Variants in FANCB observed in about 807,000 individuals in gnomAD.
The protein encoded by FANCB is FA complementation group B, also known as Fanconi anemia group B protein.
Under a neutral mutation model 38.9 loss-of-function variants are expected in FANCB, and 5 were observed. The observed-to-expected ratio is 0.13, with a 90% CI of 0.07 to 0.27. FANCB has a LOEUF of 0.27. Among genes scored for constraint, FANCB ranks in the 10% least tolerant of loss-of-function variants. The pLI is 1.00. For missense variants in FANCB, 573 were observed against 602.7 expected, an observed-to-expected ratio of 0.95 and a Z score of 0.52; for synonymous variants, 236 against 215.4, an observed-to-expected ratio of 1.10 and a Z score of -0.84.
the FANCB span, among the ~76,000 whole-genome samples, chrX:14,721,141 A>G: frequency 9.6e-6 from 1 of 104,028 alleles, no homozygotes; most frequent in South Asian, 4.2e-4. Flanking sequence ...AAAAAAAAAT[A>G]CTGTTGGGGT....
the FANCB span, among the ~76,000 whole-genome samples, chrX:14,696,411 A>G: frequency 4.4e-4 from 49 of 111,823 alleles, no homozygotes; most frequent in African/African-American, 1.3e-3. Flanking sequence ...TAAGGTTATG[A>G]TCATAAATAA....
intron 1 of FANCB, chrX:14,869,284 T>C (rs2092484472): frequency 8.9e-6 from 1 of 112,081 alleles, no homozygotes; most frequent in Non-Finnish European, 1.9e-5. Flanking sequence ...TATTTTAATG[T>C]TAAATATCAC....
At chrX:14,698,036 C>G in the FANCB span, among the ~76,000 whole-genome samples, 9 of 111,323 alleles carry the variant, frequency 8.1e-5, no homozygotes. Context: ...AGATACTGTT[C>G]TTATCTCAAT....
chrX:14,704,703 G>A, the FANCB span, among the ~76,000 whole-genome samples: 1 of 111,591 alleles, frequency 9.0e-6, no homozygotes. Context: ...AAAAGGAAAC[G>A]ACCCCTGCCT....
At chrX:14,802,143 A>G in the FANCB span, among the ~76,000 whole-genome samples, 1 of 111,767 alleles carries the variant, frequency 8.9e-6, no homozygotes, top group African/African-American at 3.3e-5. Context: ...GGGTGGGGTT[A>G]AGGAAAACAA....
chrX:14,820,464 T>C, the FANCB span, among the ~76,000 whole-genome samples: 1 of 112,225 alleles, frequency 8.9e-6, no homozygotes, highest in Non-Finnish European at 1.9e-5. Context: ...TAATTGTCCA[T>C]GTCATTTGTT....
chrX:14,758,139 C>A, the FANCB span, among the ~76,000 whole-genome samples: 1 of 111,162 alleles, frequency 9.0e-6, no homozygotes, highest in South Asian at 3.9e-4. Context: ...GCAGCAGAGG[C>A]ACCCACAGTG....
In FANCB at chrX:14,844,867, T is replaced by A; in HGVS notation, c.1916A>T (p.Lys639Met). 1 of 1,205,314 alleles carries A rather than the reference T, an allele frequency of 8.3e-7. No individual in the cohort carries two copies. The highest frequency in any genetic ancestry group is 1.8e-5 in the South Asian group (1 of 55,507). Reference protein sequence around the residue: ...TGKYLLTFPKKKPIEHMEDLF... With the variant: ...TGKYLLTFPKMKPIEHMEDLF... ...GCCAACAAAATTACCTATAGGTTTC[T>A]TCTTTGGAAATGTCAGTAGGTACTT... Residue 639 changes from lysine to methionine, a missense_variant, in exon 8 of 10, where the codon AAG (lysine) becomes ATG (methionine). Transcript: ENST00000650831.
the FANCB span, among the ~76,000 whole-genome samples, chrX:14,777,809 C>A: frequency 8.9e-6 from 1 of 112,337 alleles, no homozygotes; most frequent in African/African-American, 3.2e-5. Flanking sequence ...AACAATCAAT[C>A]ACTACCCGAT....
At chrX:14,732,091 G>A in the FANCB span, among the ~76,000 whole-genome samples, 2 of 109,596 alleles carry the variant, frequency 1.8e-5, no homozygotes, top group Middle Eastern at 4.7e-3. Flanking sequence ...GACTCCATGT[G>A]TTCTCATTGT....
the FANCB span, chrX:14,730,324 C>T: frequency 1.2e-5 from 14 of 1,210,977 alleles, no homozygotes; most frequent in South Asian, 2.3e-4. Context: ...ACTCCCACAA[C>T]CGCCAAAAGA....
At chrX:14,700,943 C>A in the FANCB span, among the ~76,000 whole-genome samples, 4 of 109,391 alleles carry the variant, frequency 3.7e-5, no homozygotes, top group African/African-American at 1.0e-4. Flanking sequence ...ACTAGCCATA[C>A]CCAGTAGAAG....
At chrX:14,742,426 G>A in the FANCB span, among the ~76,000 whole-genome samples, 1 of 111,752 alleles carries the variant, frequency 8.9e-6, no homozygotes, top group African/African-American at 3.3e-5. Context: ...TTATCCCTCT[G>A]TCTTTGGTTT....
At chrX:14,786,205 T>C in the FANCB span, among the ~76,000 whole-genome samples, 1 of 111,126 alleles carries the variant, frequency 9.0e-6, no homozygotes, top group African/African-American at 3.3e-5. Context: ...GTAGCTCTCT[T>C]CAGCCAAAGG....
chrX:14,798,210 G>A, the FANCB span, among the ~76,000 whole-genome samples: 1 of 109,121 alleles, frequency 9.2e-6, no homozygotes, highest in Non-Finnish European at 1.9e-5. Context: ...ATGCGGTGGC[G>A]TGATCTTGGT....
At chrX:14,777,202 ACT>A in the FANCB span, among the ~76,000 whole-genome samples, 2 of 111,806 alleles carry the variant, frequency 1.8e-5, no homozygotes, top group African/African-American at 6.5e-5. Context: ...AGGTTTATAA[ACT>A]CAACTCGTAA....
At chrX:14,748,628 T>C in the FANCB span, among the ~76,000 whole-genome samples, 5 of 112,551 alleles carry the variant, frequency 4.4e-5, no homozygotes, top group African/African-American at 9.7e-5. Flanking sequence ...TTCTTGGAAA[T>C]AGACCATGAC....
rs745690135 is a variant in FANCB at position 14,845,149 on chromosome X, A to G, written c.1634T>C (p.Ile545Thr). 2.5e-6 allele frequency: 3 copies of G among 1,210,910 alleles called. No homozygotes were observed. Among genetic ancestry groups the G allele is most frequent in the South Asian group, 3.5e-5 (2 of 56,974 alleles). ...CGTGACCCTTTTTGCTTCCAATCCT[A>G]TTTCACATGGCATCAAGTATGGTGC... is the stretch of plus-strand genomic sequence containing the variant. Reference protein sequence around the residue: ...FPAPYLMPCEIGLEAKRVTLT... With the variant: ...FPAPYLMPCETGLEAKRVTLT... Residue 545 changes from isoleucine to threonine, a missense_variant, in exon 8 of 10, where the codon ATA becomes ACA. Physicochemically the swap from Ile to Thr is moderately conservative, Grantham distance 89 (BLOSUM62 -1). Coordinates refer to ENST00000650831, the MANE Select transcript of FANCB (RefSeq NM_001018113.3).
chrX:14,691,255 T>A, the FANCB span, among the ~76,000 whole-genome samples: 1 of 106,481 alleles, frequency 9.4e-6, no homozygotes, highest in South Asian at 4.2e-4. Context: ...AAAATCCTGG[T>A]TCTTCTAAAT....
Sources: gnomAD v4.1 joint callset for allele counts (sites outside exome capture counted in the v4.1 genomes callset) on GRCh38, gnomAD v4.1.1 for gene constraint, MANE v1.5 for transcripts, NCBI Gene and HGNC (gene_info 2026-07-23, HGNC 2026-07-21) for gene names.